The following USF3 variants were observed in gnomAD, a reference collection of about 807,000 sequenced individuals.
USF3 encodes the protein basic helix-loop-helix domain-containing protein USF3.
Under a neutral mutation model 157.5 loss-of-function variants are expected in USF3, and 29 were observed. The ratio of observed to expected loss-of-function variants is 0.18; its 90% confidence interval spans 0.14 to 0.25. The LOEUF is 0.25. Ranked by LOEUF, USF3 falls within the 10% of genes least tolerant of loss-of-function variation. The pLI, the probability that USF3 is intolerant of heterozygous loss-of-function variation, is 1.00. For missense variants in USF3, 2,381 were observed against 2,667.6 expected, an observed-to-expected ratio of 0.89 and a Z score of 2.37; for synonymous variants, 893 against 941.4, an observed-to-expected ratio of 0.95 and a Z score of 0.94.
Position 113,657,735 on chromosome 3 carries a change from A to G in USF3, c.3947T>C (p.Leu1316Pro), listed in dbSNP as rs573219688. ...TIPNSQIQEP[L>P]LKPSHESRKD... is the part of the protein sequence containing the mutation. Reference sequence around the variant, plus strand: ...ACGGCTTTCATGGCTTGGCTTTAAGAGTGGCTCTTGAATCTGTGAATTTGG... The same window carrying G: ...ACGGCTTTCATGGCTTGGCTTTAAGGGTGGCTCTTGAATCTGTGAATTTGG... Residue 1316 changes from leucine to proline, a missense_variant, in exon 7 of 7, where the codon CTC becomes CCC. By Grantham distance (98) the Leu-to-Pro change is moderately conservative (BLOSUM62 -3). This residue lies in a region of USF3 where 1,435 missense variants were observed against 1,550.9 expected (regional missense o/e 0.93). Coordinates refer to ENST00000316407, the MANE Select transcript of USF3 (RefSeq NM_001009899.4). The G allele has an allele frequency of 6.2e-7, 1 of 1,614,108 alleles. No homozygotes were observed. Among genetic ancestry groups the G allele is most frequent in the African/African-American group, 1.3e-5 (1 of 75,032 alleles).
rs1473122306 is a variant in USF3, at chr3:113,690,177, T to C, written c.-135+6193A>G. ...TATCAATGACACCAAAAGTTTAACA[T>C]GGATCTAGACCCAAAAATCTTCATA... On this transcript the variant is annotated intron_variant, in intron 1 of 6. Coordinates refer to ENST00000316407, the MANE Select transcript of USF3 (RefSeq NM_001009899.4). Among the ~76,000 whole-genome samples, 4 of 143,660 alleles carry C rather than the reference T, an allele frequency of 2.8e-5. No homozygotes were observed. In the East Asian group the frequency reaches 8.1e-4, roughly 29 times the overall value. The allele number at this position is 143,660 out of a possible 152,430, so 94.2% of individuals were successfully genotyped here.
At position 113,657,165 on chromosome 3, in the gene USF3, G is replaced by A; in HGVS notation, c.4517C>T (p.Pro1506Leu). ...PHAESSVHSQ[P>L]HNVHQQRTLQ... is the part of the protein sequence containing the mutation. ...AGTCCTCTGTTGGTGGACATTATGG[G>A]GCTGAGAGTGGACAGAGCTCTCTGC... Residue 1506 changes from proline (P) to leucine (L), a missense_variant, in exon 7 of 7, where the codon CCC becomes CTC. Transcript: ENST00000316407. The A allele has an allele frequency of 6.2e-7, 1 of 1,614,034 alleles. No homozygotes were observed. The highest frequency in any genetic ancestry group is 8.5e-7 in the Non-Finnish European group (1 of 1,180,000).
rs1209056167 is a variant in USF3 at position 113,655,158 on chromosome 3, A to G, written c.6524T>C (p.Met2175Thr). Residue 2175 changes from methionine (M) to threonine (T), a missense_variant, in exon 7 of 7, where the codon ATG (methionine) becomes ACG (threonine). Physicochemically the swap from Met to Thr is moderately conservative, Grantham distance 81. Around this residue, in one of 6 missense-constraint regions of USF3, gnomAD observed 770 missense variants for 824.2 expected, o/e 0.93. Coordinates refer to ENST00000316407, the MANE Select transcript of USF3 (RefSeq NM_001009899.4). ...AQPSFPLLPD[M>T]PPMHMTNSHL... ...AGAGTTGGTCATGTGCATTGGTGGC[A>G]TATCTGGGAGAAGAGGAAAACTTGG... 1 of 1,614,238 alleles carries G rather than the reference A, an allele frequency of 6.2e-7. No homozygotes were observed. Among genetic ancestry groups the G allele is most frequent in the East Asian group, 2.2e-5 (1 of 44,892 alleles).
intron 1 of USF3, among the ~76,000 whole-genome samples, chr3:113,693,511 T>A (rs1707733646): frequency 1.3e-5 from 2 of 152,158 alleles, no homozygotes; most frequent in Admixed American, 1.3e-4. Flanking sequence ...AGTTAAGGTA[T>A]GATGAAGCTA....
At chr3:113,694,248 C>G (rs1258298712) in intron 1 of USF3, among the ~76,000 whole-genome samples, 1 of 152,184 alleles carries the variant, frequency 6.6e-6, no homozygotes, top group Non-Finnish European at 1.5e-5. Flanking sequence ...AGCTGATTAC[C>G]TGTTGAAGCT....
Position 113,654,926 on chromosome 3 carries a change from C to A in USF3, c.*18G>T. ...TTTGTAATCTCACTCATTACCTTTA[C>A]ATTTTGTTTATCAGTATTTAAACAG... On this transcript the variant is annotated 3_prime_UTR_variant, in exon 7 of 7. Transcript: ENST00000316407. The A allele has an allele frequency of 6.3e-7, 1 of 1,592,668 alleles. No homozygotes were observed. Among genetic ancestry groups the A allele is most frequent in the African/African-American group, 1.3e-5 (1 of 74,382 alleles).
rs1390549858 is a variant in USF3, at chr3:113,657,429, A to T, written c.4253T>A (p.Val1418Asp). The T allele has an allele frequency of 6.2e-7, 1 of 1,614,016 alleles. No individual in the cohort carries two copies. Among genetic ancestry groups the T allele is most frequent in the South Asian group, 1.1e-5 (1 of 91,078 alleles). Reference protein sequence around the residue: ...FVTPALRQTEVQCGSQPSVAE... With the variant: ...FVTPALRQTEDQCGSQPSVAE... ...AACTGAAGGCTGAGAACCACACTGA[A>T]CTTCAGTTTGCCTCAATGCAGGAGT... The change falls in exon 7 of 7, where the codon GTT (valine) becomes GAT (aspartate). Residue 1418 changes from valine (V) to aspartate (D), a missense_variant. Coordinates refer to ENST00000316407, the MANE Select transcript of USF3 (RefSeq NM_001009899.4).
Position 113,655,063 on chromosome 3 carries a change from T to C in USF3, c.6619A>G (p.Met2207Val), listed in dbSNP as rs773669282. The change falls in exon 7 of 7, where the codon ATG becomes GTG. Residue 2207 changes from methionine to valine, a missense_variant. Met to Val is a conservative substitution (Grantham distance 21). Around this residue, in one of 6 missense-constraint regions of USF3, gnomAD observed 770 missense variants for 824.2 expected, o/e 0.93. Coordinates refer to ENST00000316407, the MANE Select transcript of USF3 (RefSeq NM_001009899.4). The part of the protein sequence containing the change: ...IATALPDGSA[M>V]SPLLTIANSS... ...TTTGCTATTGTAAGCAAAGGTGACA[T>C]TGCTGAGCCATCAGGAAGCGCTGTG... 7 of 1,614,194 alleles carry C rather than the reference T, an allele frequency of 4.3e-6. No individual in the cohort carries two copies. Among genetic ancestry groups the C allele is most frequent in the Admixed American group, 1.7e-5 (1 of 60,028 alleles).
chr3:113,655,750 A>C lies in USF3; in HGVS notation c.5932T>G (p.Ser1978Ala). The change falls in exon 7 of 7, where the codon TCA (serine) becomes GCA (alanine). Residue 1978 changes from serine to alanine, a missense_variant. Transcript: ENST00000316407. ...RQANSSVPQR[S>A]RHPLQDSSGS... ...CTGCTGTCTTGCAGGGGATGCCTTG[A>C]TCTCTGGGGAACTGAAGAATTAGCT... 1 of 1,613,956 alleles carries C rather than the reference A, an allele frequency of 6.2e-7. No homozygotes were observed. Among genetic ancestry groups the C allele is most frequent in the East Asian group, 2.2e-5 (1 of 44,868 alleles).
intron 1 of USF3, among the ~76,000 whole-genome samples, chr3:113,679,038 T>G (rs1707349249): frequency 6.6e-6 from 1 of 151,508 alleles, no homozygotes. Flanking sequence ...TCTCTCTCTC[T>G]CTCCAACTCC....
chr3:113,660,637 T>C lies in USF3; in HGVS notation c.1045A>G (p.Arg349Gly). The C allele has an allele frequency of 6.2e-7, 1 of 1,614,202 alleles. No homozygotes were observed. Residue 349 changes from arginine to glycine, a missense_variant, in exon 7 of 7, where the codon AGA becomes GGA. By Grantham distance (125) the Arg-to-Gly change is moderately radical. This residue lies in a region of USF3 where 1,435 missense variants were observed against 1,550.9 expected (regional missense o/e 0.93). Coordinates refer to ENST00000316407, the MANE Select transcript of USF3 (RefSeq NM_001009899.4). ...VTTTVCSQPP[R>G]TAGDSSPMSI... ...ATTGGAGAAGAATCACCTGCAGTTC[T>C]GGGAGGCTGCGAGCAGACTGTGGTG...
chr3:113,679,777 T>C (rs913942971), intron 1 of USF3, among the ~76,000 whole-genome samples: 3 of 152,106 alleles, frequency 2.0e-5, no homozygotes, highest in African/African-American at 7.2e-5. Context: ...GCAAACCCTA[T>C]CCTAAATTTT....
At chr3:113,673,655 C>T (rs1215932397) in intron 3 of USF3, among the ~76,000 whole-genome samples, 2 of 152,210 alleles carry the variant, frequency 1.3e-5, no homozygotes, top group Non-Finnish European at 2.9e-5. Flanking sequence ...GAATCAATCA[C>T]TGAAAAGCTT....
chr3:113,660,750 G>A lies in USF3; in HGVS notation c.932C>T (p.Ala311Val). The change falls in exon 7 of 7, where the codon GCC becomes GTC. Residue 311 changes from alanine to valine, a missense_variant. By Grantham distance (64) the Ala-to-Val change is moderately conservative (BLOSUM62 0). This residue lies in a region of USF3 where 1,435 missense variants were observed against 1,550.9 expected (regional missense o/e 0.93). Transcript: ENST00000316407. ...CTTGTTTCCATGGTGCACTTTAGTG[G>A]CAGTTGCTGAGGAGCTGTGGGGGAT... The part of the protein sequence containing the change: ...TNIPHSSSAT[A>V]TKVHHGNKSC... 6.2e-7 allele frequency: 1 copy of A among 1,614,188 alleles called. No homozygotes were observed.
In USF3 at chr3:113,658,491, T is replaced by G; in HGVS notation, c.3191A>C (p.His1064Pro). 1 of 1,614,098 alleles carries G rather than the reference T, an allele frequency of 6.2e-7. No individual in the cohort carries two copies. The highest frequency in any genetic ancestry group is 8.5e-7 in the Non-Finnish European group (1 of 1,179,962). The change falls in exon 7 of 7, where the codon CAT becomes CCT. Residue 1064 changes from histidine to proline, a missense_variant. Physicochemically the swap from His to Pro is moderately conservative, Grantham distance 77 (BLOSUM62 -2). Coordinates refer to ENST00000316407, the MANE Select transcript of USF3 (RefSeq NM_001009899.4). ...MNNDDRDPPQHHSCLPDQEVI... is the reference protein window; with the variant it reads ...MNNDDRDPPQPHSCLPDQEVI... ...CTCTTGATCAGGGAGGCAGGAATGA[T>G]GCTGTGGAGGATCTCTATCATCATT... is the stretch of plus-strand genomic sequence containing the variant.
In USF3 at chr3:113,655,539, G is replaced by A. The variant is rs374781281; in HGVS notation, c.6143C>T (p.Pro2048Leu). ...CTGGTCAGGACCTGAATTATCATTA[G>A]GTACTTGTGGGCTATCAGGCATGAA... Reference protein sequence around the residue: ...VRFMPDSPQVPNDNSGPDQHT... With the variant: ...VRFMPDSPQVLNDNSGPDQHT... Residue 2048 changes from proline (P) to leucine (L), a missense_variant, in exon 7 of 7, where the codon CCT becomes CTT. Coordinates refer to ENST00000316407, the MANE Select transcript of USF3 (RefSeq NM_001009899.4). 6.2e-7 allele frequency: 1 copy of A among 1,614,130 alleles called. No individual in the cohort carries two copies. The highest frequency in any genetic ancestry group is 1.7e-5 in the Admixed American group (1 of 60,024).
chr3:113,672,467 A>G (rs1348573660), intron 4 of USF3, among the ~76,000 whole-genome samples: 1 of 152,090 alleles, frequency 6.6e-6, no homozygotes, highest in Non-Finnish European at 1.5e-5. Context: ...GCTGACTCCA[A>G]TCAAAAAGAT....
At chr3:113,662,044 G>T (rs189196489) in intron 6 of USF3, among the ~76,000 whole-genome samples, 2 of 152,088 alleles carry the variant, frequency 1.3e-5, no homozygotes, top group Non-Finnish European at 2.9e-5. Context: ...TCAGGGTTTC[G>T]CCATGTTGGC....
chr3:113,652,010 GCTTCTC>G lies in USF3; in HGVS notation c.*2928_*2933del, dbSNP rs937310830. ...CTTTACATTGCAATGTTCAAACTGA[GCTTCTC>G]CTTAGCCTGTTACCTTACTTTCAAT... On this transcript the variant is annotated 3_prime_UTR_variant, in exon 7 of 7. Transcript: ENST00000316407. 1 of 152,058 alleles carries G rather than the reference GCTTCTC, an allele frequency of 6.6e-6. No homozygotes were observed. Among genetic ancestry groups the G allele is most frequent in the East Asian group, 1.9e-4 (1 of 5,190 alleles). 9.4% of individuals were successfully genotyped at this position (152,058 alleles called of 1,614,324 possible).
Sources: gnomAD v4.1 joint callset for allele counts (sites outside exome capture counted in the v4.1 genomes callset) on GRCh38, gnomAD v4.1.1 for gene constraint, gnomAD v4.1.1 regional missense constraint, MANE v1.5 for transcripts, NCBI Gene and HGNC (gene_info 2026-07-23, HGNC 2026-07-21) for gene names.